CNTNAP5: variants seen among roughly 807,000 people sequenced by gnomAD.
CNTNAP5 encodes the protein contactin associated protein family member 5, also known as contactin-associated protein-like 5.
In CNTNAP5, 72 loss-of-function variants were observed where a neutral mutation model predicts 150.2. That is an observed-to-expected ratio of 0.48 (90% CI 0.40 to 0.58). The LOEUF is 0.58. Among genes scored for constraint, CNTNAP5 ranks in the 20% least tolerant of loss-of-function variants. The probability of loss-of-function intolerance (pLI) is 0.00; values close to 1 mark genes in which losing one functional copy is unlikely to be tolerated. For missense variants in CNTNAP5, 1,636 were observed against 1,626.2 expected (o/e 1.01, Z -0.10); for synonymous variants, 672 against 619.8 (o/e 1.08, Z -1.25).
At chr2:124,407,387 G>C (rs1241708041) in intron 3 of CNTNAP5, among the ~76,000 whole-genome samples, 3 of 152,104 alleles carry the variant, frequency 2.0e-5, no homozygotes, top group African/African-American at 7.2e-5. Flanking sequence ...GTGGGTTGTA[G>C]AGGTCAGGGG....
At chr2:124,251,462 G>A (rs1231823645) in intron 3 of CNTNAP5, among the ~76,000 whole-genome samples, 4 of 90,796 alleles carry the variant, frequency 4.4e-5, no homozygotes, top group African/African-American at 1.7e-4. Context: ...TGAACGCTGT[G>A]GGTGCTTTTT....
chr2:124,630,252 C>G (rs1247499733), intron 12 of CNTNAP5, among the ~76,000 whole-genome samples: 1 of 152,078 alleles, frequency 6.6e-6, no homozygotes, highest in Non-Finnish European at 1.5e-5. Flanking sequence ...GATTCCAAAA[C>G]CTGGCAGAGA....
At position 124,918,642 on chromosome 2, in the gene CNTNAP5, C is replaced by T. The variant is rs1033000739; in HGVS notation, c.*4354C>T. 1.3e-5 allele frequency among the ~76,000 whole-genome samples: 2 copies of T among 152,070 alleles called. No homozygotes were observed. Among genetic ancestry groups the T allele is most frequent in the Non-Finnish European group, 2.9e-5 (2 of 67,992 alleles). On this transcript the variant is annotated 3_prime_UTR_variant, in exon 24 of 24. Transcript: ENST00000682447. ...CTGCCCTAGCTTCCTTTAAGCTTCC[C>T]CATAGCTACCATCCATCAAAACCTC... is the stretch of plus-strand genomic sequence containing the variant.
chr2:124,079,104 T>C (rs1450973194), intron 1 of CNTNAP5, among the ~76,000 whole-genome samples: 3 of 152,192 alleles, frequency 2.0e-5, no homozygotes. Context: ...AGTGAAACTG[T>C]TCACTGGAAC....
At chr2:124,566,422 G>A (rs78815181) in intron 11 of CNTNAP5, among the ~76,000 whole-genome samples, 3,621 of 152,038 alleles carry the variant, frequency 0.024, 157 homozygotes, top group African/African-American at 0.083. Context: ...AGAAGATGTC[G>A]AGCTTTAAAA....
intron 1 of CNTNAP5, among the ~76,000 whole-genome samples, chr2:124,051,746 A>C (rs901113270): frequency 6.6e-6 from 1 of 152,188 alleles, no homozygotes; most frequent in Non-Finnish European, 1.5e-5. Context: ...TCCATCTCAC[A>C]GAGCTTTGGT....
At chr2:124,231,535 G>A (rs1477194620) in intron 2 of CNTNAP5, among the ~76,000 whole-genome samples, 1 of 152,026 alleles carries the variant, frequency 6.6e-6, no homozygotes, top group African/African-American at 2.4e-5. Context: ...TTAGCTTTCA[G>A]GTAATTTTGG....
chr2:124,586,439 A>T (rs1696539618), intron 11 of CNTNAP5, among the ~76,000 whole-genome samples: 1 of 152,216 alleles, frequency 6.6e-6, no homozygotes, highest in Non-Finnish European at 1.5e-5. Context: ...CCTGCAGGAC[A>T]CATGATTTTA....
intron 9 of CNTNAP5, among the ~76,000 whole-genome samples, chr2:124,526,526 A>G (rs954575869): frequency 6.6e-6 from 1 of 152,196 alleles, no homozygotes. Flanking sequence ...TGGAGTTCGT[A>G]TGGAGCACAA....
At chr2:124,523,887 T>C (rs1012089989) in intron 8 of CNTNAP5, among the ~76,000 whole-genome samples, 2 of 152,160 alleles carry the variant, frequency 1.3e-5, no homozygotes, top group African/African-American at 4.8e-5. Flanking sequence ...TAGGAAAGTA[T>C]GAGAAAACCA....
intron 5 of CNTNAP5, among the ~76,000 whole-genome samples, chr2:124,446,108 A>C (rs939127103): frequency 6.6e-6 from 1 of 152,154 alleles, no homozygotes; most frequent in African/African-American, 2.4e-5. Context: ...CAAAGTAAAA[A>C]GGATGAGGCA....
intron 4 of CNTNAP5, among the ~76,000 whole-genome samples, chr2:124,431,101 A>G (rs1419933872): frequency 6.6e-6 from 1 of 152,164 alleles, no homozygotes; most frequent in Non-Finnish European, 1.5e-5. Flanking sequence ...ACTGAAACCC[A>G]GCTCTGTTAG....
chr2:124,812,348 T>A (rs1311937033), intron 19 of CNTNAP5, among the ~76,000 whole-genome samples: 1 of 150,642 alleles, frequency 6.6e-6, no homozygotes, highest in Non-Finnish European at 1.5e-5. Context: ...AAAATAAAAT[T>A]TGAAGTCCCC....
At chr2:124,198,093 A>G (rs1049537951) in intron 1 of CNTNAP5, among the ~76,000 whole-genome samples, 1 of 152,124 alleles carries the variant, frequency 6.6e-6, no homozygotes, top group Admixed American at 6.5e-5. Context: ...TATTGTCAAT[A>G]TGGGGGGTGT....
chr2:124,636,968 A>G (rs551174493), intron 12 of CNTNAP5, among the ~76,000 whole-genome samples: 1 of 151,844 alleles, frequency 6.6e-6, no homozygotes, highest in Non-Finnish European at 1.5e-5. Context: ...ATTTGAAAGT[A>G]AGTTGTAGAC....
chr2:124,222,570 G>T (rs1686349389), intron 2 of CNTNAP5, among the ~76,000 whole-genome samples: 2 of 151,990 alleles, frequency 1.3e-5, no homozygotes, highest in South Asian at 4.1e-4. Flanking sequence ...GTCAAGAAAA[G>T]CGTGTATGCA....
At chr2:124,812,872 G>A (rs181875320) in intron 19 of CNTNAP5, among the ~76,000 whole-genome samples, 7 of 152,034 alleles carry the variant, frequency 4.6e-5, no homozygotes, top group Admixed American at 3.9e-4. Context: ...GTGCTGTGTC[G>A]TGATCTATGA....
At chr2:124,766,697 T>G (rs1681076190) in intron 16 of CNTNAP5, among the ~76,000 whole-genome samples, 1 of 152,166 alleles carries the variant, frequency 6.6e-6, no homozygotes, top group African/African-American at 2.4e-5. Context: ...TCAATGTAAA[T>G]TTAATAAAAA....
At chr2:124,774,134 T>A (rs1681269887) in intron 17 of CNTNAP5, among the ~76,000 whole-genome samples, 1 of 152,106 alleles carries the variant, frequency 6.6e-6, no homozygotes, top group African/African-American at 2.4e-5. Context: ...GGAGTTCAGA[T>A]GTTTAGAACA....
Sources: allele counts gnomAD v4.1 joint callset (sites outside exome capture counted in the v4.1 genomes callset), GRCh38; gene constraint gnomAD v4.1.1; transcripts MANE v1.5; gene names NCBI Gene and HGNC (gene_info 2026-07-23, HGNC 2026-07-21).